The following HEMK2 variants were observed in gnomAD, a reference collection of about 807,000 sequenced individuals.
HEMK2 encodes the protein HemK methyltransferase 2, ETF1 glutamine and histone H4 lysine.
At chr21:28,647,508 C>CAA in the HEMK2 span, among the ~76,000 whole-genome samples, 4,428 of 111,588 alleles carry the variant, frequency 0.04, 257 homozygotes, top group African/African-American at 0.12. Context: ...AACTCCATCT[C>CAA]AAAAAAAAAA....
the HEMK2 span, among the ~76,000 whole-genome samples, chr21:28,604,589 G>A: frequency 9.2e-5 from 14 of 151,646 alleles, no homozygotes; most frequent in African/African-American, 3.2e-4. Context: ...ACATTGACCA[G>A]TAAATGACCT....
the HEMK2 span, among the ~76,000 whole-genome samples, chr21:28,652,049 T>C: frequency 6.6e-6 from 1 of 152,350 alleles, no homozygotes; most frequent in African/African-American, 2.4e-5. Flanking sequence ...CTTCATTACA[T>C]TTTTTCCTAT....
the HEMK2 span, among the ~76,000 whole-genome samples, chr21:28,679,422 T>TA: frequency 6.6e-6 from 1 of 152,150 alleles, no homozygotes; most frequent in African/African-American, 2.4e-5. Context: ...CAAGGAGACT[T>TA]AGACTCCCAC....
chr21:28,775,080 C>A, the HEMK2 span, among the ~76,000 whole-genome samples: 1 of 152,094 alleles, frequency 6.6e-6, no homozygotes, highest in Non-Finnish European at 1.5e-5. Flanking sequence ...TCCTTTTATT[C>A]GGTTTTCATT....
the HEMK2 span, among the ~76,000 whole-genome samples, chr21:28,641,590 T>C: frequency 2.6e-5 from 4 of 152,324 alleles, no homozygotes; most frequent in African/African-American, 9.6e-5. Context: ...ATCTTCTGGA[T>C]TGGAAAAGCT....
chr21:28,793,780 G>T, the HEMK2 span, among the ~76,000 whole-genome samples: 1 of 152,116 alleles, frequency 6.6e-6, no homozygotes, highest in East Asian at 1.9e-4. Context: ...TGCTTTATAA[G>T]AAGCACAGAG....
At chr21:28,577,394 AT>A in the HEMK2 span, 1 of 152,200 alleles carries the variant, frequency 6.6e-6, no homozygotes, top group Non-Finnish European at 1.5e-5. Context: ...AAATAAAGAA[AT>A]TTCAAAATAT....
chr21:28,749,750 C>T, the HEMK2 span, among the ~76,000 whole-genome samples: 1 of 152,176 alleles, frequency 6.6e-6, no homozygotes. Context: ...GCTAAGAGGA[C>T]ATGGCTCTCG....
At chr21:28,714,929 A>C in the HEMK2 span, among the ~76,000 whole-genome samples, 3 of 152,176 alleles carry the variant, frequency 2.0e-5, no homozygotes, top group Non-Finnish European at 4.4e-5. Flanking sequence ...GCTTAGGATA[A>C]TGACCTCTAG....
the HEMK2 span, among the ~76,000 whole-genome samples, chr21:28,830,193 T>C: frequency 2.6e-5 from 4 of 152,222 alleles, no homozygotes; most frequent in East Asian, 3.8e-4. Flanking sequence ...TTTGGCTCTG[T>C]GTCCCCACTC....
the HEMK2 span, among the ~76,000 whole-genome samples, chr21:28,838,420 G>C: frequency 6.6e-6 from 1 of 151,958 alleles, no homozygotes; most frequent in Admixed American, 6.6e-5. Context: ...TATAGTCCCA[G>C]CTACTCTGGA....
At chr21:28,792,301 A>G in the HEMK2 span, among the ~76,000 whole-genome samples, 4 of 152,130 alleles carry the variant, frequency 2.6e-5, no homozygotes, top group African/African-American at 7.2e-5. Flanking sequence ...GGAGTAGCCT[A>G]TCTTTTATTT....
chr21:28,618,689 ACT>A, the HEMK2 span, among the ~76,000 whole-genome samples: 1 of 151,950 alleles, frequency 6.6e-6, no homozygotes, highest in African/African-American at 2.4e-5. Context: ...CCTATACAAC[ACT>A]CTCCTATAAC....
the HEMK2 span, among the ~76,000 whole-genome samples, chr21:28,650,975 T>C: frequency 6.6e-6 from 1 of 152,044 alleles, no homozygotes; most frequent in Admixed American, 6.6e-5. Flanking sequence ...GGGAAAGTGA[T>C]TGAATGAGAG....
At chr21:28,797,958 C>T in the HEMK2 span, among the ~76,000 whole-genome samples, 5 of 152,270 alleles carry the variant, frequency 3.3e-5, no homozygotes, top group Middle Eastern at 3.4e-3. Flanking sequence ...ACTGATCCCA[C>T]CAAACATTCT....
the HEMK2 span, among the ~76,000 whole-genome samples, chr21:28,878,589 G>A: frequency 1.4e-5 from 2 of 145,776 alleles, no homozygotes; most frequent in South Asian, 4.5e-4. Context: ...TGTACAATTA[G>A]AAAAATAATA....
At chr21:28,637,993 A>C in the HEMK2 span, among the ~76,000 whole-genome samples, 1 of 152,342 alleles carries the variant, frequency 6.6e-6, no homozygotes, top group Middle Eastern at 3.4e-3. Context: ...TAGAAGGTAC[A>C]AAGTAGCCAC....
At chr21:28,584,537 A>G in the HEMK2 span, among the ~76,000 whole-genome samples, 5 of 152,168 alleles carry the variant, frequency 3.3e-5, no homozygotes, top group Non-Finnish European at 7.4e-5. Flanking sequence ...GGAAAGCAAA[A>G]CCTTTTAATT....
the HEMK2 span, chr21:28,671,408 C>T: frequency 6.6e-6 from 1 of 152,226 alleles, no homozygotes; most frequent in South Asian, 2.1e-4. Context: ...CATGCATCCT[C>T]CTTTTGCAGG....
Sources: allele counts gnomAD v4.1 joint callset (sites outside exome capture counted in the v4.1 genomes callset), GRCh38; gene constraint gnomAD v4.1.1; transcripts MANE v1.5; gene names NCBI Gene and HGNC (gene_info 2026-07-23, HGNC 2026-07-21).